MATN2: variants seen among roughly 807,000 people sequenced by gnomAD.
The protein encoded by MATN2 is matrilin 2.
In MATN2, 69 loss-of-function variants were observed where a neutral mutation model predicts 103.2. That is an observed-to-expected ratio of 0.67 (90% CI 0.55 to 0.82). MATN2 has a LOEUF of 0.82. Among genes scored for constraint, MATN2 ranks in the 40% least tolerant of loss-of-function variants. The probability of loss-of-function intolerance (pLI) is 0.00; values close to 1 mark genes in which losing one functional copy is unlikely to be tolerated. For missense variants in MATN2, 1,023 were observed against 1,211.5 expected, an observed-to-expected ratio of 0.84 and a Z score of 2.31; for synonymous variants, 429 against 450.2, an observed-to-expected ratio of 0.95 and a Z score of 0.60.
Position 97,994,430 on chromosome 8 carries a change from C to T in MATN2, c.1082-50C>T, listed in dbSNP as rs1402704372. ...ACTGGAAATCCCTGGTTTTCCTATG[C>T]TAGCTTTATTGATTGGTTTGCCATT... is the stretch of plus-strand genomic sequence containing the variant. On this transcript the variant is annotated intron_variant, in intron 6 of 18. Transcript: ENST00000254898. 3 of 1,574,160 alleles carry T rather than the reference C, an allele frequency of 1.9e-6. 1 individual carries two copies. The highest frequency in any genetic ancestry group is 2.6e-6 in the Non-Finnish European group (3 of 1,162,604).
intron 10 of MATN2, among the ~76,000 whole-genome samples, chr8:98,014,106 T>C (rs1813276401): frequency 6.6e-6 from 1 of 151,140 alleles, no homozygotes; most frequent in Admixed American, 6.6e-5. Flanking sequence ...AGCCTGTGTC[T>C]CAAAAAAAAG....
At chr8:97,956,464 C>T (rs1811149116) in intron 4 of MATN2, among the ~76,000 whole-genome samples, 1 of 152,182 alleles carries the variant, frequency 6.6e-6, no homozygotes, top group African/African-American at 2.4e-5. Context: ...GGTGTGATCC[C>T]AGTGGCCTAT....
intron 15 of MATN2, chr8:98,031,631 C>T (rs983673038): frequency 1.3e-5 from 2 of 152,224 alleles, no homozygotes; most frequent in South Asian, 2.1e-4. Flanking sequence ...TCTGCATGGA[C>T]TACTTGTTTA....
At chr8:97,990,812 G>C (rs947591209) in intron 6 of MATN2, among the ~76,000 whole-genome samples, 1 of 152,182 alleles carries the variant, frequency 6.6e-6, no homozygotes, top group African/African-American at 2.4e-5. Flanking sequence ...AATGCAAACT[G>C]ATTTATCTGG....
intron 7 of MATN2, among the ~76,000 whole-genome samples, chr8:97,996,471 TC>T (rs1400401138): frequency 2.0e-5 from 3 of 152,200 alleles, no homozygotes; most frequent in African/African-American, 7.2e-5. Flanking sequence ...TCCCTAATGC[TC>T]ATCCATGTAT....
At chr8:97,909,845 G>A (rs1042157687) in intron 2 of MATN2, among the ~76,000 whole-genome samples, 2 of 151,566 alleles carry the variant, frequency 1.3e-5, no homozygotes, top group Non-Finnish European at 2.9e-5. Context: ...GTACAGTGGC[G>A]TGATCTTGGC....
chr8:97,996,874 T>C (rs960867530), intron 7 of MATN2, among the ~76,000 whole-genome samples: 2 of 152,320 alleles, frequency 1.3e-5, no homozygotes, highest in Middle Eastern at 3.4e-3. Context: ...TTACGTTTAA[T>C]AGGAGGTTGA....
intron 5 of MATN2, among the ~76,000 whole-genome samples, chr8:97,974,228 T>C (rs1156967545): frequency 6.6e-6 from 1 of 151,912 alleles, no homozygotes; most frequent in Non-Finnish European, 1.5e-5. Flanking sequence ...AACCTCCACC[T>C]CCTGGGCTCA....
At chr8:97,994,634 G>A (rs1812507826) in intron 7 of MATN2, 32 bp downstream of exon 7, 1 of 1,597,358 alleles carries the variant, frequency 6.3e-7, no homozygotes, top group African/African-American at 1.3e-5. Context: ...AGAAGGGCTT[G>A]TTCTGCTAAA....
intron 4 of MATN2, among the ~76,000 whole-genome samples, chr8:97,952,916 A>ATTT (rs71570276): frequency 0.016 from 1,542 of 96,068 alleles, 55 homozygotes; most frequent in African/African-American, 0.035. Context: ...GTTTGTAGGG[A>ATTT]TTTTTTTTTT....
chr8:97,916,013 G>T (rs1375947044), intron 2 of MATN2, among the ~76,000 whole-genome samples: 2 of 151,400 alleles, frequency 1.3e-5, no homozygotes, highest in Non-Finnish European at 3.0e-5. Flanking sequence ...TTTTTTAAAA[G>T]AAAATGTTTT....
intron 14 of MATN2, among the ~76,000 whole-genome samples, chr8:98,028,176 A>G (rs560305541): frequency 3.3e-5 from 5 of 152,334 alleles, no homozygotes; most frequent in African/African-American, 1.2e-4. Flanking sequence ...TTGCTCTAGA[A>G]TCAACTGAAG....
chr8:97,995,387 T>A (rs1362995636), intron 7 of MATN2, among the ~76,000 whole-genome samples: 1 of 152,230 alleles, frequency 6.6e-6, no homozygotes, highest in Non-Finnish European at 1.5e-5. Flanking sequence ...TGAAGCTATT[T>A]TTTTTTTAAT....
intron 5 of MATN2, among the ~76,000 whole-genome samples, chr8:97,962,379 T>A (rs1811344911): frequency 6.6e-6 from 1 of 152,238 alleles, no homozygotes; most frequent in African/African-American, 2.4e-5. Flanking sequence ...ATGCTTATAT[T>A]TTTGCACATA....
intron 10 of MATN2, among the ~76,000 whole-genome samples, chr8:98,008,553 G>A (rs576563573): frequency 3.3e-5 from 5 of 152,328 alleles, no homozygotes; most frequent in African/African-American, 1.2e-4. Context: ...TATGCTGCCT[G>A]TGAGAAAATA....
At chr8:97,993,190 T>A (rs1433871373) in intron 6 of MATN2, among the ~76,000 whole-genome samples, 4 of 152,204 alleles carry the variant, frequency 2.6e-5, no homozygotes, top group Non-Finnish European at 5.9e-5. Context: ...CACTCAACAT[T>A]TTTTCCTTTC....
intron 7 of MATN2, among the ~76,000 whole-genome samples, chr8:97,994,891 A>G (rs1039109077): frequency 3.9e-5 from 6 of 152,142 alleles, no homozygotes; most frequent in African/African-American, 1.4e-4. Flanking sequence ...TTCCCATAGC[A>G]TTGGGGTCTT....
intron 1 of MATN2, among the ~76,000 whole-genome samples, chr8:97,885,302 T>C (rs886236280): frequency 7.2e-5 from 11 of 152,232 alleles, no homozygotes; most frequent in African/African-American, 2.7e-4. Flanking sequence ...ATAAATGATG[T>C]AACACACTGA....
At chr8:97,912,774 A>C (rs1308989945) in intron 2 of MATN2, among the ~76,000 whole-genome samples, 1 of 152,128 alleles carries the variant, frequency 6.6e-6, no homozygotes, top group Non-Finnish European at 1.5e-5. Context: ...TGCCGACCTC[A>C]GTAGAGAGTG....
Sources: gnomAD v4.1 joint callset for allele counts (sites outside exome capture counted in the v4.1 genomes callset) on GRCh38, gnomAD v4.1.1 for gene constraint, MANE v1.5 for transcripts, NCBI Gene and HGNC (gene_info 2026-07-23, HGNC 2026-07-21) for gene names.